The following UPK3A variants were observed in gnomAD, a reference collection of about 807,000 sequenced individuals.
The protein encoded by UPK3A is uroplakin 3A.
A neutral mutation model predicts 27.6 loss-of-function variants in UPK3A; 32 were observed. That is an observed-to-expected ratio of 1.16 (90% CI 0.87 to 1.55). UPK3A has a LOEUF of 1.55. Among genes scored for constraint, UPK3A ranks in the 40% most tolerant of loss-of-function variants. UPK3A has a pLI of 0.00. For missense variants in UPK3A, 370 were observed against 367.9 expected, an observed-to-expected ratio of 1.01 and a Z score of -0.05; for synonymous variants, 171 against 163.9, an observed-to-expected ratio of 1.04 and a Z score of -0.33.
intron 5 of UPK3A, among the ~76,000 whole-genome samples, chr22:45,293,684 G>A (rs2084177132): frequency 6.6e-6 from 1 of 152,142 alleles, no homozygotes; most frequent in South Asian, 2.1e-4. Context: ...GTCATCTCAC[G>A]GAGTTGTGAA....
In UPK3A at chr22:45,287,476, G is replaced by A. The variant is rs770782983; in HGVS notation, c.488+25G>A. On this transcript the variant is annotated intron_variant, in intron 3 of 5. Coordinates refer to ENST00000216211, the MANE Select transcript of UPK3A (RefSeq NM_006953.4). ...GGTGGGTGTAAACAAACCACTACAG[G>A]AGAGCCGCGGCAGTTCCCCAGTCCT... The A allele has an allele frequency of 1.9e-6, 3 of 1,568,750 alleles. No homozygotes were observed. The African/African-American group carries it at 4.1e-5, about 21-fold the overall frequency.
At chr22:45,288,958 C>G (rs1378102273) in intron 3 of UPK3A, 103 bp from the exon 4 acceptor site, 1 of 1,100,120 alleles carries the variant, frequency 9.1e-7, no homozygotes, top group Non-Finnish European at 1.4e-6. Context: ...AGGGCCCCCG[C>G]TGCCGTCTCC....
At chr22:45,291,232 A>C (rs1601849438) in intron 4 of UPK3A, among the ~76,000 whole-genome samples, 1 of 147,924 alleles carries the variant, frequency 6.8e-6, no homozygotes, top group East Asian at 2.0e-4. Flanking sequence ...TTAGTGTGAG[A>C]GTATGTGTGG....
intron 4 of UPK3A, among the ~76,000 whole-genome samples, chr22:45,290,431 G>C (rs2084152316): frequency 6.6e-6 from 1 of 152,148 alleles, no homozygotes; most frequent in Non-Finnish European, 1.5e-5. Context: ...AGAAAGCCTT[G>C]TGTGTGAGTA....
At chr22:45,287,777 C>T (rs369673397) in intron 3 of UPK3A, among the ~76,000 whole-genome samples, 5 of 152,258 alleles carry the variant, frequency 3.3e-5, no homozygotes, top group African/African-American at 1.2e-4. Context: ...ATTCTCTTGC[C>T]TCAGCCTCCC....
chr22:45,293,425 G>A, intron 5 of UPK3A, 112 bp downstream of exon 5: 2 of 1,421,360 alleles, frequency 1.4e-6, no homozygotes, highest in South Asian at 2.3e-5. Context: ...CGGAAGGCAA[G>A]GAAGCTACCC....
Position 45,287,383 on chromosome 22 carries a change from G to C in UPK3A, c.420G>C (p.Gly140=). The C allele has an allele frequency of 6.2e-7, 1 of 1,612,876 alleles. No homozygotes were observed. ...NAYLVRVGAN[G]TCLWDPNFQG... ...ACCTGGTCAGGGTGGGTGCCAACGG[G>C]ACCTGCCTGTGGGATCCCAACTTCC... Residue 140 remains glycine, a synonymous_variant, in exon 3 of 6, where the codon GGG becomes GGC. Coordinates refer to ENST00000216211, the MANE Select transcript of UPK3A (RefSeq NM_006953.4).
In UPK3A at chr22:45,293,105, G is replaced by A. The variant is rs575705072; in HGVS notation, c.572-76G>A. On this transcript the variant is annotated intron_variant, in intron 4 of 5. Coordinates refer to ENST00000216211, the MANE Select transcript of UPK3A (RefSeq NM_006953.4). Reference sequence around the variant, plus strand: ...GATCCCCGGCAGCCAGGGCGGGGGAGACACCCGCCGCCTCCTGGGAGAAGG... The same window carrying A: ...GATCCCCGGCAGCCAGGGCGGGGGAAACACCCGCCGCCTCCTGGGAGAAGG... 21 of 1,593,782 alleles carry A rather than the reference G, an allele frequency of 1.3e-5. No individual in the cohort carries two copies. In the East Asian group the frequency reaches 4.5e-4, roughly 34 times the overall value.
At chr22:45,295,531 A>G (rs752437722) in intron 5 of UPK3A, 29 bp from the exon 6 acceptor site, 2 of 1,613,984 alleles carry the variant, frequency 1.2e-6, no homozygotes, top group South Asian at 1.1e-5. Flanking sequence ...TGGTCCCCTA[A>G]TCCTGGGTCT....
At chr22:45,293,826 A>T (rs1485554147) in intron 5 of UPK3A, among the ~76,000 whole-genome samples, 2 of 152,166 alleles carry the variant, frequency 1.3e-5, no homozygotes, top group African/African-American at 4.8e-5. Context: ...AGGGGGTCAG[A>T]GTGGCCCAAG....
intron 5 of UPK3A, among the ~76,000 whole-genome samples, chr22:45,294,479 C>T (rs963380468): frequency 6.6e-6 from 1 of 152,036 alleles, no homozygotes; most frequent in Non-Finnish European, 1.5e-5. Context: ...AGTGGAGTCC[C>T]GAGTCCCGGG....
chr22:45,285,002 T>G lies in UPK3A; in HGVS notation c.-12T>G. On this transcript the variant is annotated 5_prime_UTR_variant, in exon 1 of 6. Coordinates refer to ENST00000216211, the MANE Select transcript of UPK3A (RefSeq NM_006953.4). ...ACCGCCCGCCCCGCGCTCTGGCGGC[T>G]CCTCCCGGGCGATGCCTCCGCTCTG... 6.5e-7 allele frequency: 1 copy of G among 1,530,042 alleles called. No individual in the cohort carries two copies. The highest frequency in any genetic ancestry group is 8.7e-7 in the Non-Finnish European group (1 of 1,144,924). 94.8% of individuals were successfully genotyped at this position (1,530,042 alleles called of 1,614,324 possible).
chr22:45,288,321 G>A (rs1384346002), intron 3 of UPK3A, among the ~76,000 whole-genome samples: 2 of 151,710 alleles, frequency 1.3e-5, no homozygotes, highest in African/African-American at 2.4e-5. Flanking sequence ...TCAGCCTCCT[G>A]AGTAGCTGGG....
chr22:45,286,041 C>T lies in UPK3A; in HGVS notation c.153C>T (p.Ser51=). 1 of 1,614,192 alleles carries T rather than the reference C, an allele frequency of 6.2e-7. No individual in the cohort carries two copies. Among genetic ancestry groups the T allele is most frequent in the Non-Finnish European group, 8.5e-7 (1 of 1,180,022 alleles). Residue 51 remains serine, a synonymous_variant, in exon 2 of 6, where the codon AGC becomes AGT. Transcript: ENST00000216211. The part of the protein sequence containing the change: ...ALEKPLCMFD[S]KEALTGTHEV... Reference sequence around the variant, plus strand: ...AAAAGCCTCTCTGCATGTTTGACAGCAAAGAGGCCCTCACTGGCACCCACG... The same window carrying T: ...AAAAGCCTCTCTGCATGTTTGACAGTAAAGAGGCCCTCACTGGCACCCACG...
chr22:45,290,488 T>G (rs572355882), intron 4 of UPK3A, among the ~76,000 whole-genome samples: 1 of 152,234 alleles, frequency 6.6e-6, no homozygotes, highest in Admixed American at 6.6e-5. Context: ...TGTGTGTTTG[T>G]GTTGCGTGTG....
chr22:45,293,827 G>A (rs1035293983), intron 5 of UPK3A, among the ~76,000 whole-genome samples: 1 of 152,176 alleles, frequency 6.6e-6, no homozygotes, highest in Non-Finnish European at 1.5e-5. Context: ...GGGGGTCAGA[G>A]TGGCCCAAGG....
chr22:45,288,413 T>C (rs1026395963), intron 3 of UPK3A, among the ~76,000 whole-genome samples: 4 of 152,168 alleles, frequency 2.6e-5, no homozygotes, highest in Non-Finnish European at 5.9e-5. Context: ...TCAGCCAGAA[T>C]GGTCTCGATC....
intron 5 of UPK3A, among the ~76,000 whole-genome samples, chr22:45,293,846 C>T (rs1364511306): frequency 6.6e-6 from 1 of 152,074 alleles, no homozygotes; most frequent in East Asian, 1.9e-4. Context: ...GGCGACACAA[C>T]CTGGGACCAG....
At position 45,287,282 on chromosome 22, in the gene UPK3A, C is replaced by T. The variant is rs1404703262; in HGVS notation, c.319C>T (p.Leu107=). 2 of 1,614,226 alleles carry T rather than the reference C, an allele frequency of 1.2e-6. No individual in the cohort carries two copies. The highest frequency in any genetic ancestry group is 1.1e-5 in the South Asian group (1 of 91,086). ...TGPYKAVAFD[L]IPCSDLPSLD... ...TCCCTACAAAGCTGTGGCCTTTGAC[C>T]TGATCCCCTGCAGTGACCTGCCCAG... is the stretch of plus-strand genomic sequence containing the variant. Residue 107 remains leucine (L), a synonymous_variant, in exon 3 of 6, where the codon CTG becomes TTG. Coordinates refer to ENST00000216211, the MANE Select transcript of UPK3A (RefSeq NM_006953.4).
Sources: allele counts gnomAD v4.1 joint callset (sites outside exome capture counted in the v4.1 genomes callset), GRCh38; gene constraint gnomAD v4.1.1; transcripts MANE v1.5; gene names NCBI Gene and HGNC (gene_info 2026-07-23, HGNC 2026-07-21).